KCNH8: variants seen among roughly 807,000 people sequenced by gnomAD.
KCNH8 encodes the protein potassium voltage-gated channel subfamily H member 8.
In KCNH8, 70 loss-of-function variants were observed where a neutral mutation model predicts 103.6. The ratio of observed to expected loss-of-function variants is 0.68; its 90% CI spans 0.56 to 0.82. The LOEUF (loss-of-function observed/expected upper bound fraction) is 0.82. KCNH8 is among the 40% of genes least tolerant of loss of function. The probability of loss-of-function intolerance (pLI) is 0.00; values close to 1 mark genes in which losing one functional copy is unlikely to be tolerated. For synonymous variants in KCNH8, 498 were observed against 489.4 expected, an observed-to-expected ratio of 1.02 and a Z score of -0.23; for missense variants, 1,217 against 1,329.9, an observed-to-expected ratio of 0.92 and a Z score of 1.32.
chr3:19,172,319 A>G (rs2063356125), intron 1 of KCNH8, among the ~76,000 whole-genome samples: 1 of 152,204 alleles, frequency 6.6e-6, no homozygotes, highest in Non-Finnish European at 1.5e-5. Flanking sequence ...CTTCTCCATA[A>G]GAATACATAC....
At chr3:19,185,917 C>A (rs2063498061) in intron 1 of KCNH8, among the ~76,000 whole-genome samples, 1 of 151,880 alleles carries the variant, frequency 6.6e-6, no homozygotes, top group Admixed American at 6.6e-5. Context: ...CCTCTGCATT[C>A]AATGTACATA....
At chr3:19,493,578 T>A (rs2068372579) in intron 11 of KCNH8, among the ~76,000 whole-genome samples, 1 of 152,144 alleles carries the variant, frequency 6.6e-6, no homozygotes, top group Non-Finnish European at 1.5e-5. Context: ...TGTGAGTCAA[T>A]TATACCCCTT....
chr3:19,245,499 A>T (rs1158279930), intron 1 of KCNH8, among the ~76,000 whole-genome samples: 8 of 152,128 alleles, frequency 5.3e-5, no homozygotes, highest in Non-Finnish European at 1.2e-4. Context: ...GTGAAGGATG[A>T]TGTTGGTATT....
In KCNH8 at chr3:19,390,572, C is replaced by G. The variant is rs976639648; in HGVS notation, c.903C>G (p.Thr301=). The G allele has an allele frequency of 6.2e-7, 1 of 1,613,476 alleles. No individual in the cohort carries two copies. The highest frequency in any genetic ancestry group is 8.5e-7 in the Non-Finnish European group (1 of 1,179,624). The change falls in exon 6 of 16, where the codon ACC becomes ACG. Residue 301 remains threonine, a synonymous_variant. Coordinates refer to ENST00000328405, the MANE Select transcript of KCNH8 (RefSeq NM_144633.3). ...ARSICIHYVT[T]WFIIDLIAAL... ...CAATTTGCATCCACTATGTCACAACCTGGTTCATCATTGATTTAATCGCTG... is the reference window on the plus strand; with the variant it reads ...CAATTTGCATCCACTATGTCACAACGTGGTTCATCATTGATTTAATCGCTG...
chr3:19,238,329 T>C (rs747949989), intron 1 of KCNH8, among the ~76,000 whole-genome samples: 24 of 152,182 alleles, frequency 1.6e-4, no homozygotes, highest in Admixed American at 1.1e-3. Context: ...ATAAGAGTGC[T>C]CTCTCTTCTA....
chr3:19,168,327 C>A (rs1022089257), intron 1 of KCNH8, among the ~76,000 whole-genome samples: 2 of 151,848 alleles, frequency 1.3e-5, no homozygotes, highest in Non-Finnish European at 2.9e-5. Flanking sequence ...GCGCCCGGCC[C>A]TCTGTTCCCC....
intron 11 of KCNH8, among the ~76,000 whole-genome samples, chr3:19,490,305 G>A (rs2068290999): frequency 6.6e-6 from 1 of 152,196 alleles, no homozygotes; most frequent in African/African-American, 2.4e-5. Context: ...ATTCAACTGG[G>A]AGCATCTGCA....
intron 11 of KCNH8, among the ~76,000 whole-genome samples, chr3:19,487,365 A>C (rs2068231984): frequency 6.6e-6 from 1 of 152,202 alleles, no homozygotes; most frequent in Non-Finnish European, 1.5e-5. Flanking sequence ...TGGCTGACCA[A>C]GCGCAAGTCC....
chr3:19,477,464 G>A (rs562305987), intron 11 of KCNH8, among the ~76,000 whole-genome samples: 5 of 149,844 alleles, frequency 3.3e-5, no homozygotes, highest in East Asian at 2.0e-4. Flanking sequence ...TGAGAATTCC[G>A]TGTGGAAGGG....
At chr3:19,373,938 C>G (rs2066147410) in intron 5 of KCNH8, among the ~76,000 whole-genome samples, 2 of 152,114 alleles carry the variant, frequency 1.3e-5, no homozygotes, top group African/African-American at 4.8e-5. Context: ...ATTCTTAATC[C>G]TGAGTTCTAG....
chr3:19,534,661 A>C lies in KCNH8; in HGVS notation c.*562A>C, dbSNP rs1205224983. 6.5e-6 allele frequency: 1 copy of C among 152,700 alleles called. No individual in the cohort carries two copies. Among genetic ancestry groups the C allele is most frequent in the Non-Finnish European group, 1.5e-5 (1 of 68,078 alleles). The allele number at this position is 152,700 out of a possible 1,614,324, so 9.5% of individuals were successfully genotyped here. A position where few individuals can be genotyped will look rare whatever the true frequency, so the allele number is the denominator to read the frequency against. ...TTGCCATGTAAATGAAAACGTCTTT[A>C]TTTATCAAAAAAACACAGAGGCTAT... On this transcript the variant is annotated 3_prime_UTR_variant, in exon 16 of 16. Coordinates refer to ENST00000328405, the MANE Select transcript of KCNH8 (RefSeq NM_144633.3).
intron 1 of KCNH8, among the ~76,000 whole-genome samples, chr3:19,192,677 C>G (rs2063564359): frequency 6.6e-6 from 1 of 151,520 alleles, no homozygotes; most frequent in South Asian, 2.1e-4. Flanking sequence ...GACCACAGTT[C>G]TTTTATTATT....
chr3:19,484,613 G>A (rs2068165368), intron 11 of KCNH8, among the ~76,000 whole-genome samples: 1 of 152,078 alleles, frequency 6.6e-6, no homozygotes, highest in Non-Finnish European at 1.5e-5. Context: ...GGCTGTTGTG[G>A]ATCCAGGCTG....
rs578103150 is a variant in KCNH8 at position 19,456,592 on chromosome 3, G to A, written c.1826-176G>A. Among the ~76,000 whole-genome samples the A allele has an allele frequency of 3.3e-3, 505 of 152,040 alleles. 2 individuals carry two copies. Among genetic ancestry groups the A allele is most frequent in the Non-Finnish European group, 5.5e-3 (372 of 67,898 alleles). On this transcript the variant is annotated intron_variant, in intron 10 of 15. Coordinates refer to ENST00000328405, the MANE Select transcript of KCNH8 (RefSeq NM_144633.3). Reference sequence around the variant, plus strand: ...CATAATGGCCATAAAACAAATAAAAGCTAAAGCCCAGGTATGATGCTATTG... The same window carrying A: ...CATAATGGCCATAAAACAAATAAAAACTAAAGCCCAGGTATGATGCTATTG...
rs1202879295 is a variant in KCNH8, at chr3:19,170,719, C to T, written c.76+21924C>T. On this transcript the variant is annotated intron_variant, in intron 1 of 15. Transcript: ENST00000328405. ...ACATATATATACACATATATACACA[C>T]ACATATATACACACACATATATATA... is the stretch of plus-strand genomic sequence containing the variant. Among the ~76,000 whole-genome samples, 18 of 118,946 alleles carry T rather than the reference C, an allele frequency of 1.5e-4. 1 individual carries two copies. The highest frequency in any genetic ancestry group is 5.4e-4 in the African/African-American group (17 of 31,722). The allele number at this position is 118,946 out of a possible 152,430, so 78.0% of individuals were successfully genotyped here. A position where few individuals can be genotyped will look rare whatever the true frequency, so the allele number is the denominator to read the frequency against.
At position 19,513,208 on chromosome 3, in the gene KCNH8, A is replaced by G; in HGVS notation, c.2318A>G (p.Asn773Ser). 6.2e-7 allele frequency: 1 copy of G among 1,613,884 alleles called. No individual in the cohort carries two copies. The highest frequency in any genetic ancestry group is 1.7e-4 in the Middle Eastern group (1 of 6,060). ...FHSPIRVSRS[N>S]SPKTKQEIDP... ...TCGCCTATCAGAGTCTCCAGGTCAA[A>G]TTCCCCCAAAACCAAGCAGGAAATT... Residue 773 changes from asparagine to serine, a missense_variant, in exon 13 of 16, where the codon AAT becomes AGT. By Grantham distance (46) the Asn-to-Ser change is conservative. Around this residue, in one of 3 missense-constraint regions of KCNH8, gnomAD observed 558 missense variants for 495.8 expected, o/e 1.13. Coordinates refer to ENST00000328405, the MANE Select transcript of KCNH8 (RefSeq NM_144633.3).
intron 2 of KCNH8, 63 bp downstream of exon 2, chr3:19,253,950 T>A: frequency 8.6e-7 from 1 of 1,161,246 alleles, no homozygotes; most frequent in Non-Finnish European, 1.3e-6. Context: ...TTCAACCTAG[T>A]AATTGCTCCG....
At position 19,405,042 on chromosome 3, in the gene KCNH8, C is replaced by T. The variant is rs866133558; in HGVS notation, c.1177+9731C>T. 2.6e-5 allele frequency among the ~76,000 whole-genome samples: 4 copies of T among 151,684 alleles called. No individual in the cohort carries two copies. In the Middle Eastern group the frequency reaches 0.01, roughly 387 times the overall value. Reference sequence around the variant, plus strand: ...ATAAATATTAGGAAAAACATCCCTGCCCCAAAAAATCTAACTGGCATTTTA... The same window carrying T: ...ATAAATATTAGGAAAAACATCCCTGTCCCAAAAAATCTAACTGGCATTTTA... On this transcript the variant is annotated intron_variant, in intron 7 of 15. Coordinates refer to ENST00000328405, the MANE Select transcript of KCNH8 (RefSeq NM_144633.3).
intron 11 of KCNH8, among the ~76,000 whole-genome samples, chr3:19,495,188 T>A (rs886861136): frequency 6.6e-6 from 1 of 152,024 alleles, no homozygotes; most frequent in Non-Finnish European, 1.5e-5. Context: ...TGCTATAAGC[T>A]CCATACTTTA....
Sources: allele counts gnomAD v4.1 joint callset (sites outside exome capture counted in the v4.1 genomes callset), GRCh38; gene constraint gnomAD v4.1.1; regional missense constraint gnomAD v4.1.1; transcripts MANE v1.5; gene names NCBI Gene and HGNC (gene_info 2026-07-23, HGNC 2026-07-21).